CCDC171: variants seen among roughly 807,000 people sequenced by gnomAD.
CCDC171 encodes coiled-coil domain containing 171, also known as coiled-coil domain-containing protein 171.
In CCDC171, 177 loss-of-function variants were observed where a neutral mutation model predicts 168.2. That is an observed-to-expected ratio of 1.05 (90% CI 0.93 to 1.19). The LOEUF (loss-of-function observed/expected upper bound fraction) is 1.19. Among genes scored for constraint, CCDC171 ranks in the 50% most tolerant of loss-of-function variants. The pLI is 0.00. For missense variants in CCDC171, 1,991 were observed against 1,539.0 expected (o/e 1.29, Z -4.91); for synonymous variants, 687 against 540.8 (o/e 1.27, Z -3.75).
At chr9:15,838,420 AT>A (rs905454097) in intron 21 of CCDC171, among the ~76,000 whole-genome samples, 1 of 152,160 alleles carries the variant, frequency 6.6e-6, no homozygotes, top group African/African-American at 2.4e-5. Flanking sequence ...TATATATATG[AT>A]TCCCAAACAG....
At chr9:15,824,001 A>G (rs181513697) in intron 21 of CCDC171, among the ~76,000 whole-genome samples, 96 of 152,230 alleles carry the variant, frequency 6.3e-4, no homozygotes, top group African/African-American at 2.2e-3. Flanking sequence ...ATAGCATTGA[A>G]TCTGATTTTC....
intron 21 of CCDC171, among the ~76,000 whole-genome samples, chr9:15,816,701 T>C (rs1165605949): frequency 8.5e-6 from 1 of 118,288 alleles, no homozygotes; most frequent in African/African-American, 3.2e-5. Flanking sequence ...TTCTAATGGA[T>C]CAGATGTGAA....
chr9:16,060,849 C>T (rs1013174509), exon 2 of CCDC171: 1 of 152,230 alleles, frequency 6.6e-6, no homozygotes, highest in African/African-American at 2.4e-5. Context: ...CAAAAGCCAA[C>T]ACAAAATGAG....
At chr9:15,638,715 A>G (rs1038503085) in intron 7 of CCDC171, among the ~76,000 whole-genome samples, 1 of 151,916 alleles carries the variant, frequency 6.6e-6, no homozygotes, top group African/African-American at 2.4e-5. Flanking sequence ...TAAGCTTTAT[A>G]TCACTGTGTC....
At chr9:15,728,516 C>T (rs538028927) in intron 15 of CCDC171, among the ~76,000 whole-genome samples, 4 of 152,122 alleles carry the variant, frequency 2.6e-5, no homozygotes, top group East Asian at 3.9e-4. Flanking sequence ...ATTTGCTTCT[C>T]GAAATACAAC....
intron 23 of CCDC171, among the ~76,000 whole-genome samples, chr9:15,852,366 T>C (rs1486286869): frequency 1.3e-5 from 2 of 151,790 alleles, no homozygotes; most frequent in African/African-American, 4.8e-5. Context: ...TTATTGATTA[T>C]TTGTTTGTCT....
chr9:16,083,817 A>G, the CCDC171 span, among the ~76,000 whole-genome samples: 1 of 152,164 alleles, frequency 6.6e-6, no homozygotes, highest in Admixed American at 6.5e-5. Context: ...CCTGATAGTC[A>G]TATCTCCTGG....
chr9:15,992,634 C>G (rs913298902), intron 3 of CCDC171, among the ~76,000 whole-genome samples: 1 of 151,952 alleles, frequency 6.6e-6, no homozygotes, highest in South Asian at 2.1e-4. Flanking sequence ...TATTCAACTA[C>G]GAAAAGAGGA....
chr9:15,606,720 G>A (rs916461419), intron 6 of CCDC171, among the ~76,000 whole-genome samples: 5 of 152,136 alleles, frequency 3.3e-5, no homozygotes, highest in Admixed American at 1.3e-4. Context: ...TTTGGGCTAC[G>A]TTTCTGGAAG....
intron 4 of CCDC171, among the ~76,000 whole-genome samples, chr9:15,583,171 C>T (rs1000878190): frequency 2.0e-5 from 3 of 152,036 alleles, no homozygotes; most frequent in African/African-American, 7.2e-5. Context: ...AATCCCAGCA[C>T]TTTGGGAGGC....
intron 16 of CCDC171, among the ~76,000 whole-genome samples, chr9:15,735,113 C>T (rs374015565): frequency 1.9e-4 from 29 of 152,136 alleles, no homozygotes; most frequent in East Asian, 5.8e-4. Flanking sequence ...TTTTTAATGT[C>T]GAAGCTTTAA....
chr9:15,924,681 G>C (rs1825708258), intron 25 of CCDC171, among the ~76,000 whole-genome samples: 1 of 151,302 alleles, frequency 6.6e-6, no homozygotes, highest in South Asian at 2.1e-4. Flanking sequence ...TCCTTTCATT[G>C]ATACATTCTT....
rs528403754 is a variant in CCDC171 at position 15,680,490 on chromosome 9, G to A, written c.1215+1594G>A. On this transcript the variant is annotated intron_variant, in intron 10 of 25. Coordinates refer to ENST00000380701, the MANE Select transcript of CCDC171 (RefSeq NM_173550.4). ...TCACCAAATCAGTGCTGCCCATATC[G>A]AAAGCTAATAATAGGATATAGTTAA... Among the ~76,000 whole-genome samples, 292 of 152,232 alleles carry A rather than the reference G, an allele frequency of 1.9e-3. 1 individual carries two copies. The highest frequency in any genetic ancestry group is 6.0e-3 in the African/African-American group (248 of 41,552).
At chr9:15,567,737 C>T (rs906129994) in intron 2 of CCDC171, among the ~76,000 whole-genome samples, 1 of 151,912 alleles carries the variant, frequency 6.6e-6, no homozygotes, top group Non-Finnish European at 1.5e-5. Context: ...TCACTGTGGC[C>T]TCAACTCCTG....
chr9:15,718,416 A>G (rs2053231561), intron 11 of CCDC171, among the ~76,000 whole-genome samples: 2 of 152,186 alleles, frequency 1.3e-5, no homozygotes, highest in East Asian at 3.8e-4. Context: ...TCTTGAGGAG[A>G]AGGACACAAT....
intron 21 of CCDC171, among the ~76,000 whole-genome samples, chr9:15,797,572 C>T (rs534713993): frequency 6.6e-6 from 1 of 152,108 alleles, no homozygotes; most frequent in East Asian, 1.9e-4. Flanking sequence ...AAAATTCTTT[C>T]TATATTCTCT....
chr9:15,916,136 A>G (rs1242473686), intron 24 of CCDC171, among the ~76,000 whole-genome samples: 4 of 151,874 alleles, frequency 2.6e-5, no homozygotes, highest in African/African-American at 4.8e-5. Flanking sequence ...TATTTAAAAT[A>G]TTCACATTAT....
At chr9:15,900,904 A>G (rs890435379) in intron 24 of CCDC171, among the ~76,000 whole-genome samples, 3 of 152,292 alleles carry the variant, frequency 2.0e-5, no homozygotes, top group East Asian at 1.9e-4. Flanking sequence ...GGAAGAGTCA[A>G]CTAGCTCAGT....
At chr9:16,063,483 A>G (rs1833958292), downstream of CCDC171, among the ~76,000 whole-genome samples, 1 of 152,204 alleles carries the variant, frequency 6.6e-6, no homozygotes, top group African/African-American at 2.4e-5. Flanking sequence ...TCATTTTAAA[A>G]TTCTGTATGG....
Sources: allele counts gnomAD v4.1 joint callset (sites outside exome capture counted in the v4.1 genomes callset), GRCh38; gene constraint gnomAD v4.1.1; transcripts MANE v1.5; gene names NCBI Gene and HGNC (gene_info 2026-07-23, HGNC 2026-07-21).